DCBLD2: variants seen among roughly 807,000 people sequenced by gnomAD.
DCBLD2 encodes discoidin, CUB and LCCL domain containing 2, also known as discoidin, CUB and LCCL domain-containing protein 2.
In DCBLD2, 54 loss-of-function variants were observed where a neutral mutation model predicts 86.8. That is an observed-to-expected ratio of 0.62 (90% CI 0.50 to 0.78). DCBLD2 has a LOEUF of 0.78. Among genes scored for constraint, DCBLD2 ranks in the 30% least tolerant of loss-of-function variants. DCBLD2 has a pLI of 0.00. For synonymous variants in DCBLD2, 354 were observed against 341.3 expected, an observed-to-expected ratio of 1.04 and a Z score of -0.41; for missense variants, 908 against 954.2, an observed-to-expected ratio of 0.95 and a Z score of 0.64.
At chr3:98,815,576 A>C (rs1942006162) in intron 9 of DCBLD2, 1 of 152,222 alleles carries the variant, frequency 6.6e-6, no homozygotes, top group Non-Finnish European at 1.5e-5. Flanking sequence ...CCATAATATC[A>C]ATCAACATAA....
In DCBLD2 at chr3:98,800,628, A is replaced by T. The variant is rs1941702310; in HGVS notation, c.1809T>A (p.Asn603Lys). ...TPVRYSSSEV[N>K]HLSPREVTTV... ...TGGTGACTTCTCTTGGACTCAGGTG[A>T]TTAACTTCGCTGCTGCTATAGCGAA... The change falls in exon 15 of 16, where the codon AAT becomes AAA. Residue 603 changes from asparagine (N) to lysine (K), a missense_variant. Around this residue, in one of 3 missense-constraint regions of DCBLD2, gnomAD observed 606 missense variants for 678.5 expected, o/e 0.89. Transcript: ENST00000326840. 6.2e-7 allele frequency: 1 copy of T among 1,613,946 alleles called. No individual in the cohort carries two copies. Among genetic ancestry groups the T allele is most frequent in the Non-Finnish European group, 8.5e-7 (1 of 1,179,874 alleles).
chr3:98,819,560 A>G (rs1400486820), intron 7 of DCBLD2, 143 bp from the exon 8 acceptor site: 1 of 819,190 alleles, frequency 1.2e-6, no homozygotes, highest in African/African-American at 1.7e-5. Context: ...TTTCAAAACT[A>G]GGCAAGTGTT....
chr3:98,842,040 G>A lies in DCBLD2; in HGVS notation c.571+7421C>T, dbSNP rs572842908. Among the ~76,000 whole-genome samples, 8 of 152,236 alleles carry A rather than the reference G, an allele frequency of 5.3e-5. No individual in the cohort carries two copies. In the South Asian group the frequency reaches 1.0e-3, roughly 20 times the overall value. ...AGATCGTGCCACTGTACTACAGCCC[G>A]GGTGCCAGAGCAAGACTCCATCTCA... On this transcript the variant is annotated intron_variant, in intron 3 of 15. Transcript: ENST00000326840.
At chr3:98,823,079 G>T (rs1281950160) in intron 4 of DCBLD2, among the ~76,000 whole-genome samples, 4 of 152,078 alleles carry the variant, frequency 2.6e-5, no homozygotes, top group Non-Finnish European at 4.4e-5. Context: ...CACCATGTTG[G>T]CCAGGCTGGT....
intron 12 of DCBLD2, 99 bp downstream of exon 12, chr3:98,811,095 T>A (rs1941930382): frequency 7.4e-7 from 1 of 1,356,052 alleles, no homozygotes; most frequent in South Asian, 1.8e-5. Flanking sequence ...AAACTATAGT[T>A]GGAAGAAAAT....
intron 2 of DCBLD2, among the ~76,000 whole-genome samples, chr3:98,862,180 T>G (rs925316376): frequency 1.3e-5 from 2 of 152,052 alleles, no homozygotes; most frequent in Non-Finnish European, 2.9e-5. Context: ...CAGGAAGAAG[T>G]TGAATCCCTG....
intron 1 of DCBLD2, among the ~76,000 whole-genome samples, chr3:98,899,895 CT>C (rs1943818239): frequency 6.6e-6 from 1 of 152,128 alleles, no homozygotes; most frequent in Non-Finnish European, 1.5e-5. Context: ...GTTTTCCCCC[CT>C]ACCAGGAGGG....
At chr3:98,848,970 G>C (rs1381177868) in intron 3 of DCBLD2, among the ~76,000 whole-genome samples, 1 of 152,138 alleles carries the variant, frequency 6.6e-6, no homozygotes, top group Non-Finnish European at 1.5e-5. Flanking sequence ...AGGAGTTCGA[G>C]ACCAGCCTGG....
chr3:98,814,845 T>A (rs1347413740), intron 9 of DCBLD2: 2 of 152,250 alleles, frequency 1.3e-5, no homozygotes, highest in Non-Finnish European at 2.9e-5. Flanking sequence ...TGTTCAGCCC[T>A]ATACGTACCT....
At chr3:98,859,362 GC>G in intron 2 of DCBLD2, among the ~76,000 whole-genome samples, 1 of 152,342 alleles carries the variant, frequency 6.6e-6, no homozygotes, top group African/African-American at 2.4e-5. Context: ...CTGTCTGACA[GC>G]TTTGAAGAGA....
At chr3:98,880,852 C>G (rs1365622926) in intron 2 of DCBLD2, among the ~76,000 whole-genome samples, 1 of 152,098 alleles carries the variant, frequency 6.6e-6, no homozygotes, top group Non-Finnish European at 1.5e-5. Flanking sequence ...GATCCAAAAC[C>G]CTTGTTTTTA....
intron 10 of DCBLD2, among the ~76,000 whole-genome samples, chr3:98,812,017 A>G (rs1576158238): frequency 6.6e-6 from 1 of 152,350 alleles, no homozygotes; most frequent in East Asian, 1.9e-4. Flanking sequence ...TTTCATGCTT[A>G]TGTTAAACAA....
At chr3:98,881,519 A>T (rs1462413457) in intron 2 of DCBLD2, 21 bp downstream of exon 2, 1 of 1,596,988 alleles carries the variant, frequency 6.3e-7, no homozygotes, top group Non-Finnish European at 8.6e-7. Flanking sequence ...TTACATGTAC[A>T]TTTACAAAAA....
At chr3:98,901,050 T>C (rs978170073) in intron 1 of DCBLD2, 72 bp downstream of exon 1, 7 of 1,533,334 alleles carry the variant, frequency 4.6e-6, no homozygotes, top group Non-Finnish European at 6.1e-6. Context: ...GTCTGCAGAT[T>C]TGTTCAGGGG....
intron 1 of DCBLD2, among the ~76,000 whole-genome samples, chr3:98,898,557 C>G (rs1329012313): frequency 6.6e-6 from 1 of 152,054 alleles, no homozygotes. Context: ...CAACAACTGT[C>G]AACAGTTTAT....
chr3:98,802,874 T>C (rs1351761090), intron 13 of DCBLD2, among the ~76,000 whole-genome samples: 2 of 152,218 alleles, frequency 1.3e-5, no homozygotes, highest in Non-Finnish European at 2.9e-5. Flanking sequence ...TGTGGTATTA[T>C]TTCTGAGGGC....
At chr3:98,848,838 A>G (rs1942774412) in intron 3 of DCBLD2, among the ~76,000 whole-genome samples, 2 of 152,192 alleles carry the variant, frequency 1.3e-5, no homozygotes, top group South Asian at 4.1e-4. Context: ...AATGTTTTAA[A>G]TTGATATAAA....
intron 1 of DCBLD2, among the ~76,000 whole-genome samples, chr3:98,885,812 C>T (rs1013770812): frequency 1.5e-4 from 22 of 151,514 alleles, no homozygotes; most frequent in African/African-American, 5.1e-4. Context: ...GAGAAGAGGA[C>T]CCCACAGAAG....
Position 98,811,473 on chromosome 3 carries a change from G to T in DCBLD2, c.1445C>A (p.Ala482Asp), listed in dbSNP as rs143662022. The T allele has an allele frequency of 1.3e-3, 2,120 of 1,613,492 alleles. 2 individuals are homozygous for T. Among genetic ancestry groups the T allele is most frequent in the Non-Finnish European group, 1.5e-3 (1,786 of 1,179,620 alleles). Reference sequence around the variant, plus strand: ...CACATTAAAAACAGGCATACCTTTGGCTATTTTTGGAGGGGCTGTAGTGTT... The same window carrying T: ...CACATTAAAAACAGGCATACCTTTGTCTATTTTTGGAGGGGCTGTAGTGTT... ...LKNTTAPPKI[A>D]KGRAPKFTQP... The change falls in exon 11 of 16, where the codon GCC (alanine) becomes GAC (aspartate). Residue 482 changes from alanine (A) to aspartate (D), a missense_variant. This residue lies in a region of DCBLD2 where 606 missense variants were observed against 678.5 expected (regional missense o/e 0.89). Transcript: ENST00000326840.
Sources: allele counts gnomAD v4.1 joint callset (sites outside exome capture counted in the v4.1 genomes callset), GRCh38; gene constraint gnomAD v4.1.1; regional missense constraint gnomAD v4.1.1; transcripts MANE v1.5; gene names NCBI Gene and HGNC (gene_info 2026-07-23, HGNC 2026-07-21).